RUVBL1: variants seen among roughly 807,000 people sequenced by gnomAD.
The protein encoded by RUVBL1 is RuvB like AAA ATPase 1, also known as ruvB-like 1.
In RUVBL1, 4 loss-of-function variants were observed where a neutral mutation model predicts 52.4. The observed-to-expected ratio is 0.08, with a 90% CI of 0.04 to 0.17. RUVBL1 has a LOEUF of 0.17. Among genes scored for constraint, RUVBL1 ranks in the 10% least tolerant of loss-of-function variants. The pLI is 1.00. For missense variants in RUVBL1, 298 were observed against 572.8 expected, an observed-to-expected ratio of 0.52 and a Z score of 4.90; for synonymous variants, 217 against 214.4, an observed-to-expected ratio of 1.01 and a Z score of -0.10.
intron 7 of RUVBL1, among the ~76,000 whole-genome samples, chr3:128,098,080 G>C (rs1943026612): frequency 6.6e-6 from 1 of 152,160 alleles, no homozygotes; most frequent in African/African-American, 2.4e-5. Context: ...CCCAATCTCA[G>C]AGCTCCTAGA....
chr3:128,110,704 G>A (rs1264653341), intron 3 of RUVBL1, among the ~76,000 whole-genome samples: 2 of 152,110 alleles, frequency 1.3e-5, no homozygotes, highest in Non-Finnish European at 2.9e-5. Context: ...CAATGCTTAT[G>A]GGGACCTGGT....
intron 9 of RUVBL1, among the ~76,000 whole-genome samples, chr3:128,075,515 C>T (rs1426675900): frequency 6.6e-6 from 1 of 152,196 alleles, no homozygotes; most frequent in East Asian, 1.9e-4. Flanking sequence ...CCTTCCCCCA[C>T]TGCTCCTTCC....
In RUVBL1 at chr3:128,117,445, G is replaced by A. The variant is rs111729029; in HGVS notation, c.228+1883C>T. Among the ~76,000 whole-genome samples, 132 of 152,250 alleles carry A rather than the reference G, an allele frequency of 8.7e-4. 1 individual carries two copies. Among genetic ancestry groups the A allele is most frequent in the African/African-American group, 3.1e-3 (129 of 41,544 alleles). On this transcript the variant is annotated intron_variant, in intron 2 of 10. Coordinates refer to ENST00000322623, the MANE Select transcript of RUVBL1 (RefSeq NM_003707.3). ...TGCCAGTAGCACCCCCAACCAAGTC[G>A]TGAGAACCAAAAATGTCTCCAGACG... is the stretch of plus-strand genomic sequence containing the variant.
At chr3:128,143,552 C>A (rs1944062529) in intron 1 of RUVBL1, among the ~76,000 whole-genome samples, 1 of 152,216 alleles carries the variant, frequency 6.6e-6, no homozygotes, top group African/African-American at 2.4e-5. Flanking sequence ...ATGTGAACAT[C>A]TTTGTGGGGG....
In RUVBL1 at chr3:128,081,161, C is replaced by A. The variant is rs917725149; in HGVS notation, c.*89G>T. On this transcript the variant is annotated 3_prime_UTR_variant, in exon 11 of 11. Coordinates refer to ENST00000322623, the MANE Select transcript of RUVBL1 (RefSeq NM_003707.3). This position sits in a 1 kb window ranked among gnomAD's most constrained non-coding sequence, Gnocchi z 4.8. ...GCAGACCACGCCTGAGTGGGGACGG[C>A]AGCCCCAAGCCCAGGGGCAAGCGCC... is the stretch of plus-strand genomic sequence containing the variant. 7.1e-7 allele frequency: 1 copy of A among 1,399,984 alleles called. No individual in the cohort carries two copies. The highest frequency in any genetic ancestry group is 9.8e-7 in the Non-Finnish European group (1 of 1,016,902). 86.7% of individuals were successfully genotyped at this position (1,399,984 alleles called of 1,614,324 possible).
At chr3:128,089,814 G>A (rs897658940) in intron 8 of RUVBL1, among the ~76,000 whole-genome samples, 1 of 147,298 alleles carries the variant, frequency 6.8e-6, no homozygotes, top group Non-Finnish European at 1.5e-5. Context: ...GGAAGCTAAG[G>A]CATGAGAATC....
intron 1 of RUVBL1, chr3:128,141,937 T>C (rs907118472): frequency 1.3e-5 from 2 of 152,210 alleles, no homozygotes; most frequent in Non-Finnish European, 2.9e-5. Context: ...GCTGTCTCTG[T>C]CTCATTCTAA....
upstream of RUVBL1, among the ~76,000 whole-genome samples, chr3:128,124,139 T>A (rs1397414716): frequency 2.0e-5 from 3 of 152,104 alleles, no homozygotes; most frequent in African/African-American, 4.8e-5. Flanking sequence ...TCTCAAGTTA[T>A]TATTTCCGTT....
At chr3:128,079,562 G>C (rs955715719), downstream of RUVBL1, among the ~76,000 whole-genome samples, 1 of 152,194 alleles carries the variant, frequency 6.6e-6, no homozygotes, top group South Asian at 2.1e-4. Context: ...CGAGTGGGGA[G>C]GCTAAAGACA....
intron 9 of RUVBL1, among the ~76,000 whole-genome samples, chr3:128,072,008 C>G (rs1049244138): frequency 5.3e-5 from 8 of 152,250 alleles, no homozygotes; most frequent in African/African-American, 1.9e-4. Context: ...CTAGCAGGAG[C>G]CTAGGGCCCC....
At chr3:128,107,932 A>C (rs775771838) in intron 3 of RUVBL1, among the ~76,000 whole-genome samples, 18 of 152,224 alleles carry the variant, frequency 1.2e-4, no homozygotes, top group Non-Finnish European at 2.6e-4. Context: ...GGAGGGGAAG[A>C]AAGACATTCC....
chr3:128,107,209 T>TCACG (rs1943262911), intron 3 of RUVBL1, among the ~76,000 whole-genome samples: 1 of 152,322 alleles, frequency 6.6e-6, no homozygotes, highest in South Asian at 2.1e-4. Context: ...CTATAATGAA[T>TCACG]CACGCCCTGG....
intron 8 of RUVBL1, among the ~76,000 whole-genome samples, chr3:128,095,837 A>C (rs1207159709): frequency 6.6e-6 from 1 of 151,948 alleles, no homozygotes; most frequent in East Asian, 1.9e-4. Flanking sequence ...GCACACTACA[A>C]CCTTAAACTC....
At chr3:128,105,861 TTTTC>T (rs1430631612) in intron 3 of RUVBL1, among the ~76,000 whole-genome samples, 4 of 126,356 alleles carry the variant, frequency 3.2e-5, no homozygotes, top group African/African-American at 6.8e-5. Flanking sequence ...TTCTTTCCCT[TTTTC>T]TTTTTTTTTT....
intron 1 of RUVBL1, among the ~76,000 whole-genome samples, chr3:128,130,454 C>T (rs542602289): frequency 9.9e-5 from 15 of 151,952 alleles, no homozygotes; most frequent in African/African-American, 2.9e-4. Context: ...CTGGTTTCTA[C>T]CAAACATTTA....
intron 9 of RUVBL1, chr3:128,069,726 A>C: frequency 7.2e-7 from 1 of 1,397,996 alleles, no homozygotes; most frequent in South Asian, 1.2e-5. Flanking sequence ...AGCTCTCATC[A>C]TGGCGCGTGC....
At chr3:128,126,354 C>T (rs939780277), upstream of RUVBL1, among the ~76,000 whole-genome samples, 1 of 152,056 alleles carries the variant, frequency 6.6e-6, no homozygotes. Flanking sequence ...GAAACCAGCC[C>T]GGCCAATATG....
At chr3:128,153,238 T>G (rs984125746) in exon 1 of RUVBL1, 7 of 1,338,040 alleles carry the variant, frequency 5.2e-6, no homozygotes, top group Non-Finnish European at 6.7e-6. Context: ...CTCAGAAGGA[T>G]CCCTCCATCT....
At chr3:128,144,234 T>G (rs567406346) in intron 1 of RUVBL1, among the ~76,000 whole-genome samples, 1 of 152,202 alleles carries the variant, frequency 6.6e-6, no homozygotes, top group African/African-American at 2.4e-5. Flanking sequence ...ATTTCACTCC[T>G]GAAAGACTCT....
Sources: gnomAD v4.1 joint callset for allele counts (sites outside exome capture counted in the v4.1 genomes callset) on GRCh38, gnomAD v4.1.1 for gene constraint, Gnocchi (gnomAD v3.1) non-coding constraint, MANE v1.5 for transcripts, NCBI Gene and HGNC (gene_info 2026-07-23, HGNC 2026-07-21) for gene names.